Variants in ENPEP observed in about 807,000 individuals in gnomAD.
The protein encoded by ENPEP is AP-A.
ENPEP carries 103 observed loss-of-function variants against 114.5 expected under a neutral mutation model. That is an observed-to-expected ratio of 0.90 (90% CI 0.77 to 1.06). The LOEUF (loss-of-function observed/expected upper bound fraction) is 1.06, where lower values mean the gene tolerates loss of function less well. Ranked by LOEUF, ENPEP falls within the 50% of genes least tolerant of loss-of-function variation. The probability of loss-of-function intolerance (pLI) is 0.00; values close to 1 mark genes in which losing one functional copy is unlikely to be tolerated. For synonymous variants in ENPEP, 420 were observed against 422.0 expected, an observed-to-expected ratio of 1.00 and a Z score of 0.06; for missense variants, 1,196 against 1,161.3, an observed-to-expected ratio of 1.03 and a Z score of -0.43.
At chr4:110,495,743 G>GTAAA (rs960317808) in intron 3 of ENPEP, among the ~76,000 whole-genome samples, 1 of 152,046 alleles carries the variant, frequency 6.6e-6, no homozygotes, top group Non-Finnish European at 1.5e-5. Flanking sequence ...AAATAAATAA[G>GTAAA]TAAATAAATA....
At chr4:110,509,545 AT>A in intron 4 of ENPEP, 107 bp from the exon 5 acceptor site, 1 of 1,394,780 alleles carries the variant, frequency 7.2e-7, no homozygotes, top group Non-Finnish European at 9.6e-7. Flanking sequence ...CTAAGAAATT[AT>A]TTTTAGGCTT....
chr4:110,496,019 A>C (rs1364013197), intron 3 of ENPEP, among the ~76,000 whole-genome samples: 1 of 152,172 alleles, frequency 6.6e-6, no homozygotes, highest in Non-Finnish European at 1.5e-5. Context: ...TATTAATTCT[A>C]ATATATCAGT....
chr4:110,510,132 ACTT>A, intron 5 of ENPEP, 110 bp from the exon 6 acceptor site: 1 of 847,790 alleles, frequency 1.2e-6, no homozygotes, highest in Non-Finnish European at 1.9e-6. Flanking sequence ...AATGCCTGCC[ACTT>A]CTGTCACAGT....
intron 18 of ENPEP, among the ~76,000 whole-genome samples, chr4:110,558,314 G>T (rs912154662): frequency 7.0e-6 from 1 of 143,632 alleles, no homozygotes; most frequent in African/African-American, 2.7e-5. Flanking sequence ...TTGAGACAAG[G>T]TCTCACTCTG....
intron 3 of ENPEP, among the ~76,000 whole-genome samples, chr4:110,502,266 T>C (rs1474565757): frequency 6.6e-6 from 1 of 152,226 alleles, no homozygotes; most frequent in Non-Finnish European, 1.5e-5. Context: ...CCTTTTGCTG[T>C]GCAGAAGCTC....
chr4:110,489,683 C>T (rs1397751159), intron 2 of ENPEP, among the ~76,000 whole-genome samples: 3 of 152,066 alleles, frequency 2.0e-5, no homozygotes, highest in Admixed American at 6.6e-5. Context: ...TTTGTCTCAT[C>T]CCTATAATGG....
At chr4:110,482,245 G>A (rs1178210996) in intron 1 of ENPEP, among the ~76,000 whole-genome samples, 6 of 152,228 alleles carry the variant, frequency 3.9e-5, no homozygotes, top group Non-Finnish European at 8.8e-5. Context: ...GGGCACAGTA[G>A]AGAAAATAGT....
At chr4:110,477,692 A>C (rs1359446213) in intron 1 of ENPEP, among the ~76,000 whole-genome samples, 1 of 152,214 alleles carries the variant, frequency 6.6e-6, no homozygotes, top group Admixed American at 6.5e-5. Flanking sequence ...CATTGAGTCC[A>C]CACATCAGTG....
At chr4:110,513,728 G>A (rs927348688) in intron 7 of ENPEP, among the ~76,000 whole-genome samples, 179 bp downstream of exon 7, 8 of 152,076 alleles carry the variant, frequency 5.3e-5, no homozygotes, top group Admixed American at 5.2e-4. Context: ...TTTAGTGCTG[G>A]TCATTGTCAC....
At chr4:110,519,121 T>C (rs1035581460) in intron 8 of ENPEP, 17 of 455,534 alleles carry the variant, frequency 3.7e-5, no homozygotes, top group African/African-American at 3.2e-4. Flanking sequence ...AAAGAACAAA[T>C]ATGGAGGCAG....
chr4:110,559,688 T>C lies in ENPEP; in HGVS notation c.2684T>C (p.Ile895Thr). 1.2e-6 allele frequency: 2 copies of C among 1,614,024 alleles called. No individual in the cohort carries two copies. Among genetic ancestry groups the C allele is most frequent in the Non-Finnish European group, 1.7e-6 (2 of 1,179,900 alleles). The change falls in exon 19 of 20, where the codon ATA becomes ACA. Residue 895 changes from isoleucine to threonine, a missense_variant. Physicochemically the swap from Ile to Thr is moderately conservative, Grantham distance 89 (BLOSUM62 -1). Coordinates refer to ENST00000265162, the MANE Select transcript of ENPEP (RefSeq NM_001977.4). ...NNRNLGRIVT[I>T]AEPFNTELQL... ...AGAAACCTTGGCCGAATTGTCACAA[T>C]AGCAGAGCCATTCAACACTGAACTG...
intron 13 of ENPEP, among the ~76,000 whole-genome samples, chr4:110,544,630 T>G (rs376647943): frequency 6.6e-6 from 1 of 152,160 alleles, no homozygotes; most frequent in East Asian, 1.9e-4. Context: ...CAGAATCATT[T>G]AGTTTTTATT....
chr4:110,531,406 T>G, intron 11 of ENPEP, 129 bp downstream of exon 11: 1 of 655,274 alleles, frequency 1.5e-6, no homozygotes, highest in Non-Finnish European at 2.2e-6. Context: ...TTAAATAATT[T>G]ATTGATGATT....
At chr4:110,511,314 T>C (rs902960599) in intron 6 of ENPEP, among the ~76,000 whole-genome samples, 10 of 152,134 alleles carry the variant, frequency 6.6e-5, no homozygotes, top group Non-Finnish European at 1.3e-4. Flanking sequence ...TAGATAATTC[T>C]TTTTTTGTGC....
chr4:110,481,202 A>G (rs1054671972), intron 1 of ENPEP, among the ~76,000 whole-genome samples: 1 of 152,192 alleles, frequency 6.6e-6, no homozygotes, highest in African/African-American at 2.4e-5. Context: ...CAATAATACT[A>G]AATACAAAAT....
intron 10 of ENPEP, among the ~76,000 whole-genome samples, chr4:110,526,758 C>A (rs1047425610): frequency 6.6e-6 from 1 of 152,006 alleles, no homozygotes; most frequent in Non-Finnish European, 1.5e-5. Context: ...GGCAGGGAGA[C>A]CAGTTAGGAC....
At position 110,543,052 on chromosome 4, in the gene ENPEP, A is replaced by C; in HGVS notation, c.1982A>C (p.Asp661Ala). ...GCAGATCGTGCAAGTCTTATTGATG[A>C]TGCTTTTGCCTTGGCAAGGTGCGTT... ...SSADRASLID[D>A]AFALARAQLL... Residue 661 changes from aspartate (D) to alanine (A), a missense_variant, in exon 13 of 20, where the codon GAT (aspartate) becomes GCT (alanine). By Grantham distance (126) the Asp-to-Ala change is moderately radical. Coordinates refer to ENST00000265162, the MANE Select transcript of ENPEP (RefSeq NM_001977.4). 6.2e-7 allele frequency: 1 copy of C among 1,613,164 alleles called. No homozygotes were observed. Among genetic ancestry groups the C allele is most frequent in the Non-Finnish European group, 8.5e-7 (1 of 1,179,322 alleles).
At chr4:110,520,153 T>TCTATC in intron 9 of ENPEP, 62 bp from the exon 10 acceptor site, 2 of 1,595,820 alleles carry the variant, frequency 1.3e-6, no homozygotes, top group Non-Finnish European at 1.7e-6. Context: ...ATCTAACTAT[T>TCTATC]CTATCCTTTT....
chr4:110,478,060 T>C (rs1050702002), intron 1 of ENPEP, among the ~76,000 whole-genome samples: 3 of 152,308 alleles, frequency 2.0e-5, no homozygotes, highest in African/African-American at 7.2e-5. Flanking sequence ...GGTAAATGAT[T>C]AAGAAAGCTT....
Sources: allele counts gnomAD v4.1 joint callset (sites outside exome capture counted in the v4.1 genomes callset), GRCh38; gene constraint gnomAD v4.1.1; transcripts MANE v1.5; gene names NCBI Gene and HGNC (gene_info 2026-07-23, HGNC 2026-07-21).